REST: variants seen among roughly 807,000 people sequenced by gnomAD.
The protein encoded by REST is RE1 silencing transcription factor.
A neutral mutation model predicts 30.4 loss-of-function variants in REST; 1 was observed. That is an observed-to-expected ratio of 0.03 (90% CI 0.01 to 0.16). REST has a LOEUF of 0.16. REST is among the 10% of genes least tolerant of loss of function. REST has a pLI of 1.00. For missense variants in REST, 1,259 were observed against 1,329.5 expected, an observed-to-expected ratio of 0.95 and a Z score of 0.82; for synonymous variants, 504 against 451.1, an observed-to-expected ratio of 1.12 and a Z score of -1.49.
At position 56,930,565 on chromosome 4, in the gene REST, A is replaced by G; in HGVS notation, c.1707A>G (p.Lys569=). ...GTGACAGCAAAGTGGAGGAGAATAA[A>G]AAGCAAAATACTTGCATGAAAAAAA... ...PKGDSKVEEN[K]KQNTCMKKST... The change falls in exon 4 of 4, where the codon AAA becomes AAG. Residue 569 remains lysine, a synonymous_variant. Transcript: ENST00000309042. The G allele has an allele frequency of 6.2e-7, 1 of 1,612,042 alleles. No homozygotes were observed. Among genetic ancestry groups the G allele is most frequent in the East Asian group, 2.2e-5 (1 of 44,878 alleles).
rs2228991 is a variant in REST at position 56,930,734 on chromosome 4, G to A, written c.1876G>A (p.Val626Ile). 0.055 allele frequency: 87,402 copies of A among 1,601,638 alleles called. 4,711 individuals carry two copies. Among genetic ancestry groups the A allele is most frequent in the Admixed American group, 0.24 (13,670 of 56,090 alleles). The change falls in exon 4 of 4, where the codon GTT becomes ATT. Residue 626 changes from valine to isoleucine, a missense_variant. By Grantham distance (29) the Val-to-Ile change is conservative (BLOSUM62 3). Transcript: ENST00000309042. Reference sequence around the variant, plus strand: ...CACAGAGGCGGTTCAGAAGGGGCCCGTTCAGGTGGAGCCGCCACCTCCCAT... The same window carrying A: ...CACAGAGGCGGTTCAGAAGGGGCCCATTCAGGTGGAGCCGCCACCTCCCAT... The part of the protein sequence containing the change: ...APTEAVQKGP[V>I]QVEPPPPMEH...
chr4:56,911,005 C>G lies in REST; in HGVS notation c.367C>G (p.Pro123Ala), dbSNP rs149829250. 1.6e-3 allele frequency: 2,660 copies of G among 1,614,164 alleles called. 4 individuals carry two copies. Among genetic ancestry groups the G allele is most frequent in the Non-Finnish European group, 1.9e-3 (2,189 of 1,180,030 alleles). Reference sequence around the variant, plus strand: ...GGAACTCAGCGTCGTAGAACCTCAGCCTGTATTTGAGGCATCAGGTGCTCC... The same window carrying G: ...GGAACTCAGCGTCGTAGAACCTCAGGCTGTATTTGAGGCATCAGGTGCTCC... ...SLELSVVEPQPVFEASGAPDI... is the reference protein window; with the variant it reads ...SLELSVVEPQAVFEASGAPDI... The change falls in exon 2 of 4, where the codon CCT (proline) becomes GCT (alanine). Residue 123 changes from proline to alanine, a missense_variant. Physicochemically the swap from Pro to Ala is conservative, Grantham distance 27 (BLOSUM62 -1). Around this residue, in one of 5 missense-constraint regions of REST, gnomAD observed 249 missense variants for 251.5 expected, o/e 0.99. Transcript: ENST00000309042.
intron 2 of REST, 87 bp downstream of exon 2, chr4:56,911,623 ACT>A (rs1719917988): frequency 9.2e-7 from 1 of 1,092,478 alleles, no homozygotes; most frequent in Non-Finnish European, 1.3e-6. Context: ...GAGAAAAAGG[ACT>A]CTGGTTCAAA....
At chr4:56,919,760 C>T (rs750106174) in intron 2 of REST, 27 bp from the exon 3 acceptor site, 2 of 1,404,364 alleles carry the variant, frequency 1.4e-6, no homozygotes, top group Admixed American at 1.8e-5. Flanking sequence ...GACATTTAAA[C>T]ACTCTTATAT....
chr4:56,927,480 A>G (rs889392568), intron 3 of REST: 1 of 182,364 alleles, frequency 5.5e-6, no homozygotes, highest in African/African-American at 2.4e-5. Context: ...CTTAACATCT[A>G]CATGGTTTTA....
chr4:56,922,533 G>A (rs1007611920), intron 3 of REST, among the ~76,000 whole-genome samples: 3 of 151,906 alleles, frequency 2.0e-5, no homozygotes, highest in East Asian at 1.9e-4. Context: ...GCCTGGTCTC[G>A]AACTCCTGAT....
chr4:56,932,006 G>T lies in REST; in HGVS notation c.3148G>T (p.Ala1050Ser). Reference protein sequence around the residue: ...QESSRKNAKEALAVKAAKGDF... With the variant: ...QESSRKNAKESLAVKAAKGDF... Reference sequence around the variant, plus strand: ...ATCTAGCAGAAAAAATGCAAAGGAAGCCTTGGCAGTCAAAGCGGCTAAGGG... The same window carrying T: ...ATCTAGCAGAAAAAATGCAAAGGAATCCTTGGCAGTCAAAGCGGCTAAGGG... The change falls in exon 4 of 4, where the codon GCC becomes TCC. Residue 1050 changes from alanine (A) to serine (S), a missense_variant. Around this residue, in one of 5 missense-constraint regions of REST, gnomAD observed 856 missense variants for 772.8 expected, o/e 1.11. Transcript: ENST00000309042. 3 of 1,614,196 alleles carry T rather than the reference G, an allele frequency of 1.9e-6. No homozygotes were observed. The highest frequency in any genetic ancestry group is 1.6e-4 in the Middle Eastern group (1 of 6,062).
intron 3 of REST, chr4:56,927,555 T>G: frequency 5.8e-6 from 4 of 694,102 alleles, no homozygotes; most frequent in Non-Finnish European, 7.5e-6. Flanking sequence ...TGAGAATGTT[T>G]GAGATGAATT....
rs1560452139 is a variant in REST at position 56,930,808 on chromosome 4, G to C, written c.1950G>C (p.Glu650Asp). 5 of 1,608,938 alleles carry C rather than the reference G, an allele frequency of 3.1e-6. No homozygotes were observed. The highest frequency in any genetic ancestry group is 4.2e-6 in the Non-Finnish European group (5 of 1,177,392). Reference sequence around the variant, plus strand: ...CCCAGATACGGCCTGCTCCTGACGAGCCTGTTCAGATGGAGGTGGTTCAGG... The same window carrying C: ...CCCAGATACGGCCTGCTCCTGACGACCCTGTTCAGATGGAGGTGGTTCAGG... ...EGAQIRPAPDEPVQMEVVQEG... is the reference protein window; with the variant it reads ...EGAQIRPAPDDPVQMEVVQEG... The change falls in exon 4 of 4, where the codon GAG becomes GAC. Residue 650 changes from glutamate to aspartate, a missense_variant. Coordinates refer to ENST00000309042, the MANE Select transcript of REST (RefSeq NM_005612.5).
rs10866440 is a variant in REST, at chr4:56,919,620, A to T, written c.899-167A>T. Among the ~76,000 whole-genome samples, 53,369 of 152,124 alleles carry T rather than the reference A, an allele frequency of 0.35. 9,743 individuals are homozygous for T. The highest frequency in any genetic ancestry group is 0.49 in the Middle Eastern group (144 of 294). ...AATGTAGTCATAGTTTCTGAAATAA[A>T]TAACTTACATTTTAAGTACATGATA... On this transcript the variant is annotated intron_variant, in intron 2 of 3. Transcript: ENST00000309042.
At position 56,935,368 on chromosome 4, in the gene REST, A is replaced by G. The variant is rs1560456087; in HGVS notation, c.*3216A>G. 6.6e-6 allele frequency: 1 copy of G among 152,264 alleles called. No individual in the cohort carries two copies. The highest frequency in any genetic ancestry group is 1.5e-5 in the Non-Finnish European group (1 of 68,046). The allele number at this position is 152,264 out of a possible 1,614,324, so 9.4% of individuals were successfully genotyped here. On this transcript the variant is annotated 3_prime_UTR_variant, in exon 4 of 4. Transcript: ENST00000309042. ...TGAAGTGAACAGATAGTGTTAATTC[A>G]GATTGAAGAAATTATCTGAATCTTG...
At chr4:56,919,698 G>A in intron 2 of REST, 89 bp from the exon 3 acceptor site, 1 of 673,716 alleles carries the variant, frequency 1.5e-6, no homozygotes, top group Non-Finnish European at 2.5e-6. Context: ...AAAATGTGCT[G>A]AGCGCTGAAC....
At chr4:56,920,072 G>C in intron 3 of REST, 1 of 374,856 alleles carries the variant, frequency 2.7e-6, no homozygotes, top group East Asian at 4.0e-5. Flanking sequence ...TGGAATTTTT[G>C]TGTACACTTT....
chr4:56,908,384 G>A (rs1317284669), intron 1 of REST, among the ~76,000 whole-genome samples, 171 bp downstream of exon 1: 1 of 151,166 alleles, frequency 6.6e-6, no homozygotes, highest in South Asian at 2.1e-4. Context: ...GGGGGCTGGC[G>A]GCCGAGCAGG....
intron 3 of REST, among the ~76,000 whole-genome samples, chr4:56,924,169 A>AT (rs766870577): frequency 5.1e-4 from 77 of 152,040 alleles, no homozygotes; most frequent in Non-Finnish European, 9.9e-4. Flanking sequence ...GACATGTTTT[A>AT]TTTTTTTCTG....
intron 2 of REST, among the ~76,000 whole-genome samples, chr4:56,915,578 T>C (rs1720160325): frequency 1.3e-5 from 2 of 152,152 alleles, no homozygotes; most frequent in Non-Finnish European, 2.9e-5. Flanking sequence ...TTTGGTGATG[T>C]ATAGATTGAA....
In REST at chr4:56,930,972, C is replaced by G. The variant is rs1163756753; in HGVS notation, c.2114C>G (p.Pro705Arg). 3 of 1,614,182 alleles carry G rather than the reference C, an allele frequency of 1.9e-6. No homozygotes were observed. Among genetic ancestry groups the G allele is most frequent in the Non-Finnish European group, 2.5e-6 (3 of 1,180,020 alleles). Residue 705 changes from proline (P) to arginine (R), a missense_variant, in exon 4 of 4, where the codon CCC (proline) becomes CGC (arginine). This residue lies in a region of REST where 856 missense variants were observed against 772.8 expected (regional missense o/e 1.11). Transcript: ENST00000309042. ...QTEVAQMGPAPMEPAQMEVAQ... is the reference protein window; with the variant it reads ...QTEVAQMGPARMEPAQMEVAQ... ...GAGGTTGCCCAAATGGGGCCTGCTCCCATGGAACCTGCTCAGATGGAGGTT... is the reference window on the plus strand; with the variant it reads ...GAGGTTGCCCAAATGGGGCCTGCTCGCATGGAACCTGCTCAGATGGAGGTT...
In REST at chr4:56,931,867, GGAAATT is replaced by G; in HGVS notation, c.3012_3017del (p.Glu1004_Ile1005del). Reference sequence around the variant, plus strand: ...CTACAATGGCAGCAAATGAGTCTCAGGAAATTGATGAAGATGAAGGCATCCACAGCC... The same window carrying G: ...CTACAATGGCAGCAAATGAGTCTCAGGATGAAGATGAAGGCATCCACAGCC... On this transcript the variant is annotated inframe_deletion, in exon 4 of 4. Transcript: ENST00000309042. The G allele has an allele frequency of 1.2e-6, 2 of 1,614,198 alleles. No homozygotes were observed. The highest frequency in any genetic ancestry group is 1.6e-4 in the Middle Eastern group (1 of 6,062).
chr4:56,931,032 A>C lies in REST; in HGVS notation c.2174A>C (p.Gln725Pro). 6.2e-7 allele frequency: 1 copy of C among 1,614,158 alleles called. No homozygotes were observed. Among genetic ancestry groups the C allele is most frequent in the Non-Finnish European group, 8.5e-7 (1 of 1,180,002 alleles). ...QVESAPMQVV[Q>P]KEPVQMELSP... The stretch of plus-strand genomic sequence containing the variant: ...GAATCTGCTCCCATGCAGGTGGTCC[A>C]GAAGGAGCCTGTTCAGATGGAGCTG... Residue 725 changes from glutamine to proline, a missense_variant, in exon 4 of 4, where the codon CAG becomes CCG. Coordinates refer to ENST00000309042, the MANE Select transcript of REST (RefSeq NM_005612.5).
Sources: allele counts gnomAD v4.1 joint callset (sites outside exome capture counted in the v4.1 genomes callset), GRCh38; gene constraint gnomAD v4.1.1; regional missense constraint gnomAD v4.1.1; transcripts MANE v1.5; gene names NCBI Gene and HGNC (gene_info 2026-07-23, HGNC 2026-07-21).